Variants in SUGCT observed in about 807,000 individuals in gnomAD.
SUGCT encodes succinyl-CoA:glutarate-CoA transferase.
In SUGCT, 41 loss-of-function variants were observed where a neutral mutation model predicts 55.0. The ratio of observed to expected loss-of-function variants is 0.74; its 90% confidence interval spans 0.58 to 0.97. The LOEUF (loss-of-function observed/expected upper bound fraction) is 0.97. Among genes scored for constraint, SUGCT ranks in the 50% least tolerant of loss-of-function variants. The probability of loss-of-function intolerance (pLI) is 0.00; values close to 1 mark genes in which losing one functional copy is unlikely to be tolerated. For synonymous variants in SUGCT, 187 were observed against 200.4 expected, an observed-to-expected ratio of 0.93 and a Z score of 0.56; for missense variants, 568 against 547.8, an observed-to-expected ratio of 1.04 and a Z score of -0.37.
intron 12 of SUGCT, among the ~76,000 whole-genome samples, chr7:40,623,610 A>G (rs1562907251): frequency 6.6e-6 from 1 of 152,188 alleles, no homozygotes; most frequent in Non-Finnish European, 1.5e-5. Context: ...TGTAGAAAAT[A>G]TGTACTATTT....
At chr7:40,884,392 A>G in the SUGCT span, among the ~76,000 whole-genome samples, 2 of 152,198 alleles carry the variant, frequency 1.3e-5, no homozygotes, top group Non-Finnish European at 2.9e-5. Context: ...GTGAGGGAAC[A>G]AATGGTTTTG....
chr7:40,638,277 T>C (rs192864170), intron 12 of SUGCT, among the ~76,000 whole-genome samples: 227 of 152,354 alleles, frequency 1.5e-3, no homozygotes, highest in Admixed American at 3.1e-3. Flanking sequence ...TCAAGTGGTT[T>C]ATTTTTTTAA....
At chr7:40,174,741 A>G (rs1784842826) in intron 1 of SUGCT, among the ~76,000 whole-genome samples, 1 of 152,260 alleles carries the variant, frequency 6.6e-6, no homozygotes, top group African/African-American at 2.4e-5. Flanking sequence ...CCTATGTCTT[A>G]GCATACTTAT....
chr7:40,228,076 T>C (rs1485326517), intron 6 of SUGCT, among the ~76,000 whole-genome samples: 3 of 152,026 alleles, frequency 2.0e-5, no homozygotes, highest in Non-Finnish European at 2.9e-5. Context: ...GAGATGGGGT[T>C]TCACCATGTT....
chr7:40,749,368 C>T (rs894499743), intron 12 of SUGCT, 66 bp from the exon 13 acceptor site: 156 of 1,252,652 alleles, frequency 1.2e-4, no homozygotes, highest in Non-Finnish European at 1.7e-4. Context: ...GATGGCTGTC[C>T]ATGCCTTGCA....
the SUGCT span, among the ~76,000 whole-genome samples, chr7:40,914,187 G>C: frequency 6.6e-6 from 1 of 151,218 alleles, no homozygotes; most frequent in Non-Finnish European, 1.5e-5. Flanking sequence ...TTCCAGGCTT[G>C]TCCTAAGAGT....
At chr7:40,234,039 G>A (rs1788870447) in intron 6 of SUGCT, among the ~76,000 whole-genome samples, 1 of 152,066 alleles carries the variant, frequency 6.6e-6, no homozygotes, top group South Asian at 2.1e-4. Context: ...AAAGTAATTA[G>A]GATATTTGTG....
chr7:40,228,858 T>G (rs76112824), intron 6 of SUGCT, among the ~76,000 whole-genome samples: 2 of 152,130 alleles, frequency 1.3e-5, no homozygotes, highest in Admixed American at 1.3e-4. Flanking sequence ...ATTTTTTTTT[T>G]GTAATATCAT....
At chr7:40,193,864 G>A (rs921759182) in intron 5 of SUGCT, among the ~76,000 whole-genome samples, 2 of 152,068 alleles carry the variant, frequency 1.3e-5, no homozygotes, top group South Asian at 4.1e-4. Context: ...GCCTCCCAAA[G>A]TGCTGGGACT....
At chr7:40,333,678 T>A (rs1371573712) in intron 9 of SUGCT, among the ~76,000 whole-genome samples, 2 of 92,396 alleles carry the variant, frequency 2.2e-5, no homozygotes, top group African/African-American at 4.7e-5. Flanking sequence ...AATATATATA[T>A]ATATATATAT....
At chr7:40,519,360 G>A (rs191027194) in intron 12 of SUGCT, among the ~76,000 whole-genome samples, 1 of 152,142 alleles carries the variant, frequency 6.6e-6, no homozygotes, top group East Asian at 1.9e-4. Flanking sequence ...GAGTTTCTTA[G>A]TTTTGGCAAT....
At chr7:40,703,280 T>C (rs1785247989) in intron 12 of SUGCT, among the ~76,000 whole-genome samples, 1 of 152,122 alleles carries the variant, frequency 6.6e-6, no homozygotes, top group African/African-American at 2.4e-5. Context: ...GTCAGGCTGG[T>C]CTCGACAGCC....
At chr7:40,907,468 G>A in the SUGCT span, among the ~76,000 whole-genome samples, 1 of 152,162 alleles carries the variant, frequency 6.6e-6, no homozygotes, top group African/African-American at 2.4e-5. Flanking sequence ...TTATCATTCT[G>A]TCAGGCGCTA....
At chr7:40,782,090 T>C (rs1789781805) in intron 13 of SUGCT, among the ~76,000 whole-genome samples, 1 of 152,086 alleles carries the variant, frequency 6.6e-6, no homozygotes. Context: ...TTTACTCTAA[T>C]ATTTAGAAAA....
chr7:40,855,036 A>C (rs1275637225), intron 13 of SUGCT, among the ~76,000 whole-genome samples: 2 of 152,008 alleles, frequency 1.3e-5, no homozygotes, highest in African/African-American at 2.4e-5. Context: ...AAAAAAAAAA[A>C]AAAGACTAGT....
At chr7:40,345,401 A>G (rs556863026) in intron 9 of SUGCT, among the ~76,000 whole-genome samples, 2 of 152,312 alleles carry the variant, frequency 1.3e-5, no homozygotes, top group South Asian at 2.1e-4. Context: ...ATCATTTTGT[A>G]TGTTTTTAAA....
Position 40,256,369 on chromosome 7 carries a change from A to T in SUGCT, c.577-18144A>T. Among the ~76,000 whole-genome samples, 2 of 152,214 alleles carry T rather than the reference A, an allele frequency of 1.3e-5. 1 individual carries two copies. The highest frequency in any genetic ancestry group is 2.9e-5 in the Non-Finnish European group (2 of 68,038). ...GCCTTCTCTATACAATGAAGATTCCATAGTAAGACCCATAGCAATGAAGCC... is the reference window on the plus strand; with the variant it reads ...GCCTTCTCTATACAATGAAGATTCCTTAGTAAGACCCATAGCAATGAAGCC... On this transcript the variant is annotated intron_variant, in intron 7 of 13. Coordinates refer to ENST00000335693, the MANE Select transcript of SUGCT (RefSeq NM_001193313.2).
intron 7 of SUGCT, among the ~76,000 whole-genome samples, chr7:40,253,371 C>T (rs1380815130): frequency 6.6e-6 from 1 of 152,172 alleles, no homozygotes; most frequent in Admixed American, 6.5e-5. Context: ...CCTTATCCTC[C>T]TTTAGTTTTC....
At chr7:40,367,009 C>A in intron 9 of SUGCT, among the ~76,000 whole-genome samples, 1 of 152,124 alleles carries the variant, frequency 6.6e-6, no homozygotes, top group African/African-American at 2.4e-5. Flanking sequence ...AGAGTTGGAA[C>A]CAACCCAAAT....
Sources: gnomAD v4.1 joint callset for allele counts (sites outside exome capture counted in the v4.1 genomes callset) on GRCh38, gnomAD v4.1.1 for gene constraint, MANE v1.5 for transcripts, NCBI Gene and HGNC (gene_info 2026-07-23, HGNC 2026-07-21) for gene names.